The following MARK1 variants were observed in gnomAD, a reference collection of about 807,000 sequenced individuals.
MARK1 encodes serine/threonine-protein kinase MARK1.
A neutral mutation model predicts 96.3 loss-of-function variants in MARK1; 40 were observed. The observed-to-expected ratio is 0.42, with a 90% CI of 0.32 to 0.54. MARK1 has a LOEUF of 0.54. MARK1 is among the 20% of genes least tolerant of loss of function. The probability of loss-of-function intolerance (pLI) is 0.16; values close to 1 mark genes in which losing one functional copy is unlikely to be tolerated. For missense variants in MARK1, 719 were observed against 984.6 expected (o/e 0.73, Z 3.61); for synonymous variants, 317 against 341.2 (o/e 0.93, Z 0.78).
chr1:220,586,085 C>T (rs1282834322), intron 3 of MARK1, among the ~76,000 whole-genome samples: 12 of 151,924 alleles, frequency 7.9e-5, no homozygotes, highest in Non-Finnish European at 1.5e-4. Context: ...ATGCAAAATA[C>T]GTCTGTGAAT....
At chr1:220,535,631 G>T (rs1422497540) in intron 1 of MARK1, among the ~76,000 whole-genome samples, 2 of 152,038 alleles carry the variant, frequency 1.3e-5, no homozygotes, top group South Asian at 4.1e-4. Flanking sequence ...TTCTTCTAGG[G>T]ATTTTATAAT....
chr1:220,548,103 T>C (rs1194294661), intron 1 of MARK1, among the ~76,000 whole-genome samples: 1 of 152,242 alleles, frequency 6.6e-6, no homozygotes, highest in Non-Finnish European at 1.5e-5. Context: ...TTAGTAAATG[T>C]ATACAGTTAA....
intron 1 of MARK1, among the ~76,000 whole-genome samples, chr1:220,549,172 A>G (rs1171780815): frequency 6.6e-6 from 1 of 152,222 alleles, no homozygotes; most frequent in Non-Finnish European, 1.5e-5. Context: ...CAAGCTTTGA[A>G]GCTCAAGTCC....
At chr1:220,582,227 T>C (rs1664291613) in intron 3 of MARK1, among the ~76,000 whole-genome samples, 2 of 152,212 alleles carry the variant, frequency 1.3e-5, no homozygotes, top group Admixed American at 1.3e-4. Flanking sequence ...AACACTGATA[T>C]TTCTGCCCAG....
At chr1:220,594,821 A>G (rs550831416) in intron 3 of MARK1, among the ~76,000 whole-genome samples, 1 of 152,346 alleles carries the variant, frequency 6.6e-6, no homozygotes, top group South Asian at 2.1e-4. Context: ...GGAAAAGGCA[A>G]AACTGGTGAC....
At chr1:220,650,745 A>ATTGTG (rs759122190) in intron 14 of MARK1, 25 bp downstream of exon 14, 1 of 1,521,882 alleles carries the variant, frequency 6.6e-7, no homozygotes, top group South Asian at 1.1e-5. Context: ...GCCAAGTAGT[A>ATTGTG]ATACCTTTGC....
rs893948624 is a variant in MARK1 at position 220,619,308 on chromosome 1, A to G, written c.909+553A>G. 1.2e-4 allele frequency among the ~76,000 whole-genome samples: 18 copies of G among 152,088 alleles called. 1 individual carries two copies. Among genetic ancestry groups the G allele is most frequent in the African/African-American group, 4.1e-4 (17 of 41,414 alleles). ...GCTAACATGGTGAAACCCTGTCTGTACTAAAAATACAAAAAATTAGCTGGA... is the reference window on the plus strand; with the variant it reads ...GCTAACATGGTGAAACCCTGTCTGTGCTAAAAATACAAAAAATTAGCTGGA... On this transcript the variant is annotated intron_variant, in intron 9 of 17. Coordinates refer to ENST00000366917, the MANE Select transcript of MARK1 (RefSeq NM_018650.5).
At chr1:220,528,916 C>T (rs1345026769) in intron 1 of MARK1, 43 bp downstream of exon 1, 5 of 1,519,450 alleles carry the variant, frequency 3.3e-6, no homozygotes, top group Middle Eastern at 1.7e-4. Context: ...GGGGCGAGAC[C>T]CTCCTCTGAT....
intron 9 of MARK1, chr1:220,625,787 C>A: frequency 2.2e-6 from 1 of 454,184 alleles, no homozygotes; most frequent in Admixed American, 2.6e-5. Context: ...ACTACTACGA[C>A]GGGGATGTTG....
intron 1 of MARK1, among the ~76,000 whole-genome samples, chr1:220,551,597 C>T (rs184805079): frequency 3.3e-5 from 5 of 152,256 alleles, no homozygotes; most frequent in Admixed American, 2.0e-4. Context: ...CATTTCTCTT[C>T]TCAGTCTCTC....
At chr1:220,529,971 A>G (rs1158440924) in intron 1 of MARK1, among the ~76,000 whole-genome samples, 1 of 152,148 alleles carries the variant, frequency 6.6e-6, no homozygotes, top group Non-Finnish European at 1.5e-5. Context: ...CTTTTGATAT[A>G]CCACTGACTT....
intron 1 of MARK1, among the ~76,000 whole-genome samples, chr1:220,540,177 A>T (rs1296224092): frequency 6.6e-6 from 1 of 152,128 alleles, no homozygotes; most frequent in Non-Finnish European, 1.5e-5. Context: ...TATTATGGGA[A>T]CTGGTCCATG....
intron 1 of MARK1, among the ~76,000 whole-genome samples, chr1:220,565,903 C>CT (rs1663020926): frequency 6.6e-6 from 1 of 152,222 alleles, no homozygotes; most frequent in South Asian, 2.1e-4. Context: ...AAGAGGAATC[C>CT]TTTGGTATCT....
chr1:220,585,057 T>C (rs1343704937), intron 3 of MARK1, among the ~76,000 whole-genome samples: 1 of 152,232 alleles, frequency 6.6e-6, no homozygotes, highest in East Asian at 1.9e-4. Flanking sequence ...AAATGATATG[T>C]AGACTGCATA....
chr1:220,533,975 C>T (rs115988198), intron 1 of MARK1, among the ~76,000 whole-genome samples: 1,964 of 152,110 alleles, frequency 0.013, 22 homozygotes, highest in Middle Eastern at 0.038. Context: ...GATCTTTCTT[C>T]AGCTGTATAT....
Position 220,598,398 on chromosome 1 carries a change from T to TTA in MARK1, c.358+38_358+39dup, listed in dbSNP as rs5781180. On this transcript the variant is annotated intron_variant, in intron 4 of 17. Coordinates refer to ENST00000366917, the MANE Select transcript of MARK1 (RefSeq NM_018650.5). ...AATATAGGTATGAAATATATATATATTATATATATATATATATATAATTAG... is the reference window on the plus strand; with the variant it reads ...AATATAGGTATGAAATATATATATATTATATATATATATATATATATAATTAG... 60,103 of 211,362 alleles carry TTA rather than the reference T, an allele frequency of 0.28. 7,244 individuals are homozygous for TTA. Among genetic ancestry groups the TTA allele is most frequent in the East Asian group, 0.43 (2,700 of 6,290 alleles). The allele number at this position is 211,362 out of a possible 1,614,324, so 13.1% of individuals were successfully genotyped here.
chr1:220,651,924 T>C, intron 14 of MARK1, 62 bp from the exon 15 acceptor site: 1 of 1,395,860 alleles, frequency 7.2e-7, no homozygotes, highest in Non-Finnish European at 9.6e-7. Flanking sequence ...TTCTTAAATT[T>C]TAGTAAACCA....
Position 220,652,161 on chromosome 1 carries a change from G to A in MARK1, c.1736+11G>A, listed in dbSNP as rs546403699. On this transcript the variant is annotated intron_variant, in intron 15 of 17. Transcript: ENST00000366917. ...AGCTTACCGGCCTGGGTAATGTGTT[G>A]GTTACATCTCATTTTGTTCATTAAG... 5 of 1,579,334 alleles carry A rather than the reference G, an allele frequency of 3.2e-6. No homozygotes were observed. In the African/African-American group the frequency reaches 6.7e-5, roughly 21 times the overall value.
chr1:220,605,053 T>C (rs1384805603), intron 6 of MARK1, among the ~76,000 whole-genome samples: 2 of 148,838 alleles, frequency 1.3e-5, no homozygotes, highest in African/African-American at 2.4e-5. Context: ...AATACTGATA[T>C]AAGATCTTTC....
Sources: gnomAD v4.1 joint callset for allele counts (sites outside exome capture counted in the v4.1 genomes callset) on GRCh38, gnomAD v4.1.1 for gene constraint, MANE v1.5 for transcripts, NCBI Gene and HGNC (gene_info 2026-07-23, HGNC 2026-07-21) for gene names.